The following MAX variants were observed in gnomAD, a reference collection of about 807,000 sequenced individuals.
MAX encodes MYC associated transcriptional regulator X.
A neutral mutation model predicts 22.3 loss-of-function variants in MAX; 3 were observed. The observed-to-expected ratio is 0.13, with a 90% CI of 0.06 to 0.35. MAX has a LOEUF of 0.35. Among genes scored for constraint, MAX ranks in the 10% least tolerant of loss-of-function variants. The pLI is 1.00. For missense variants in MAX, 119 were observed against 209.4 expected, an observed-to-expected ratio of 0.57 and a Z score of 2.66; for synonymous variants, 72 against 77.7, an observed-to-expected ratio of 0.93 and a Z score of 0.39.
At chr14:65,068,377 G>A (rs867012502) in intron 3 of MAX, among the ~76,000 whole-genome samples, 47 of 152,328 alleles carry the variant, frequency 3.1e-4, no homozygotes, top group South Asian at 2.3e-3. Context: ...AGAGGTTGCA[G>A]TGAGCTGAGA....
rs2063215186 is a variant in MAX at position 65,082,190 on chromosome 14, C to T, written c.172-4154G>A. Reference sequence around the variant, plus strand: ...AATCCAAGCCTCCAGGACACTCATACTTTGGGAACACAGGGGAAGCTATGG... The same window carrying T: ...AATCCAAGCCTCCAGGACACTCATATTTTGGGAACACAGGGGAAGCTATGG... On this transcript the variant is annotated intron_variant, in intron 3 of 4. Coordinates refer to ENST00000358664, the MANE Select transcript of MAX (RefSeq NM_002382.5). This position sits in a 1 kb window ranked among gnomAD's most constrained non-coding sequence, Gnocchi z 4.8. 1 of 152,062 alleles carries T rather than the reference C, an allele frequency of 6.6e-6. No individual in the cohort carries two copies. 9.4% of individuals were successfully genotyped at this position (152,062 alleles called of 1,614,324 possible). A position where few individuals can be genotyped will look rare whatever the true frequency, so the allele number is the denominator to read the frequency against.
At chr14:65,083,410 A>T (rs1489361070) in intron 3 of MAX, among the ~76,000 whole-genome samples, 1 of 152,218 alleles carries the variant, frequency 6.6e-6, no homozygotes, top group Non-Finnish European at 1.5e-5. Context: ...GGTTCTCAAA[A>T]ATTTTCAATG....
intron 2 of MAX, among the ~76,000 whole-genome samples, chr14:65,095,931 G>A (rs1194696704): frequency 6.6e-6 from 1 of 152,198 alleles, no homozygotes; most frequent in Non-Finnish European, 1.5e-5. Flanking sequence ...GTGGAGCTAA[G>A]TATAATCTAA....
Position 65,076,370 on chromosome 14 carries a change from A to G in MAX, c.*106T>C, listed in dbSNP as rs2063054477. On this transcript the variant is annotated 3_prime_UTR_variant, in exon 5 of 5. Transcript: ENST00000358664. The surrounding 1 kb of genome is among the most constrained non-coding windows in gnomAD (Gnocchi z 6.6). ...TTTAAAAAAAAAAGGGAGAAAGAGA[A>G]AAATAAAGAGTCTCTTAAATGGTTC... The G allele has an allele frequency of 2.6e-6, 4 of 1,566,274 alleles. No individual in the cohort carries two copies.
chr14:65,028,755 T>C lies in MAX; in HGVS notation c.172-22471A>G, dbSNP rs1393957959. On this transcript the variant is annotated intron_variant, in intron 3 of 3. Coordinates refer to the MAX transcript ENST00000341653. The surrounding 1 kb of genome is among the most constrained non-coding windows in gnomAD (Gnocchi z 4.4). ...GATCTGTGTATACCAGTGAAACCAG[T>C]AGAACGACTGAGGTAAATCAGTATG... Among the ~76,000 whole-genome samples the C allele has an allele frequency of 1.3e-5, 2 of 152,236 alleles. No individual in the cohort carries two copies. The highest frequency in any genetic ancestry group is 2.9e-5 in the Non-Finnish European group (2 of 68,042).
chr14:65,071,069 A>G (rs2062983415), downstream of MAX, among the ~76,000 whole-genome samples: 1 of 152,082 alleles, frequency 6.6e-6, no homozygotes, highest in Admixed American at 6.5e-5. The surrounding 1 kb of genome is among the most constrained non-coding windows in gnomAD (Gnocchi z 4.2). Context: ...TTCAACATAC[A>G]TTTACCTCCC....
intron 3 of MAX, among the ~76,000 whole-genome samples, chr14:65,036,626 C>A (rs2139604707): frequency 6.6e-6 from 1 of 152,270 alleles, no homozygotes; most frequent in East Asian, 1.9e-4. Context: ...ATTCTTAATT[C>A]TCTGTATGTT....
chr14:65,034,819 T>C (rs1160886116), intron 3 of MAX, among the ~76,000 whole-genome samples: 1 of 152,234 alleles, frequency 6.6e-6, no homozygotes, highest in Non-Finnish European at 1.5e-5. Flanking sequence ...TCCATGAGTC[T>C]TCCTGTGCTG....
At chr14:65,074,372 G>A (rs1345022478), downstream of MAX, among the ~76,000 whole-genome samples, 1 of 152,092 alleles carries the variant, frequency 6.6e-6, no homozygotes, top group Non-Finnish European at 1.5e-5. Flanking sequence ...GCTTGATCAT[G>A]TTTCAAATTG....
intron 3 of MAX, among the ~76,000 whole-genome samples, chr14:65,086,388 G>C (rs2063334860): frequency 1.3e-5 from 2 of 152,162 alleles, no homozygotes; most frequent in African/African-American, 4.8e-5. Context: ...GAAAAATGTG[G>C]GAAAGTTTCA....
chr14:65,058,681 A>C (rs1041675227), intron 3 of MAX, among the ~76,000 whole-genome samples: 2 of 152,182 alleles, frequency 1.3e-5, no homozygotes, highest in Non-Finnish European at 2.9e-5. Context: ...GTCATAAGGT[A>C]GTGTTAAATT....
At chr14:65,072,178 C>A (rs1414434703), downstream of MAX, among the ~76,000 whole-genome samples, 1 of 152,192 alleles carries the variant, frequency 6.6e-6, no homozygotes, top group African/African-American at 2.4e-5. Flanking sequence ...CTGAGAGAGA[C>A]CCTTGCTCTG....
At chr14:65,046,302 T>C (rs777257700) in intron 3 of MAX, among the ~76,000 whole-genome samples, 2 of 152,166 alleles carry the variant, frequency 1.3e-5, no homozygotes, top group African/African-American at 2.4e-5. Context: ...GAAAAAAACT[T>C]GGGGTCATGG....
At chr14:65,068,358 C>T (rs1435524902) in intron 3 of MAX, among the ~76,000 whole-genome samples, 4 of 152,168 alleles carry the variant, frequency 2.6e-5, no homozygotes, top group African/African-American at 9.7e-5. Context: ...TCGCTTGAAC[C>T]TGGGAGGCAG....
chr14:65,058,381 T>C (rs758235001), intron 3 of MAX, among the ~76,000 whole-genome samples: 8 of 152,170 alleles, frequency 5.3e-5, no homozygotes, highest in Non-Finnish European at 8.8e-5. Flanking sequence ...TAATAATATT[T>C]ATAAATCTTG....
In MAX at chr14:65,084,973, AG is replaced by A. The variant is rs3837621; in HGVS notation, c.172-6938del. On this transcript the variant is annotated intron_variant, in intron 3 of 4. Coordinates refer to ENST00000358664, the MANE Select transcript of MAX (RefSeq NM_002382.5). This position sits in a 1 kb window ranked among gnomAD's most constrained non-coding sequence, Gnocchi z 4.3. The stretch of plus-strand genomic sequence containing the variant: ...TAATTTTAGTCACATTAAATGGGGC[AG>A]GGGGGGTACGGAGAGTCTATTTTTG... Among the ~76,000 whole-genome samples the A allele has an allele frequency of 0.48, 73,419 of 151,880 alleles. 20,383 individuals carry two copies. The highest frequency in any genetic ancestry group is 0.77 in the African/African-American group (32,086 of 41,404).
At chr14:65,024,442 G>T (rs1252262897) in intron 3 of MAX, among the ~76,000 whole-genome samples, 2 of 152,142 alleles carry the variant, frequency 1.3e-5, no homozygotes, top group East Asian at 3.8e-4. Flanking sequence ...AAAGGCCCAG[G>T]ATCTTTTCCA....
intron 3 of MAX, among the ~76,000 whole-genome samples, chr14:65,006,843 T>A (rs1386217179): frequency 6.6e-6 from 1 of 151,964 alleles, no homozygotes; most frequent in Non-Finnish European, 1.5e-5. Flanking sequence ...AAATGGGAGG[T>A]TATAGTCTGG....
chr14:65,033,918 G>A (rs1265447686), intron 3 of MAX, among the ~76,000 whole-genome samples: 2 of 152,180 alleles, frequency 1.3e-5, no homozygotes, highest in Non-Finnish European at 2.9e-5. Flanking sequence ...TAGCCAAGCT[G>A]AGATACTGTT....
Sources: allele counts gnomAD v4.1 joint callset (sites outside exome capture counted in the v4.1 genomes callset), GRCh38; gene constraint gnomAD v4.1.1; non-coding constraint Gnocchi (gnomAD v3.1); transcripts MANE v1.5; gene names NCBI Gene and HGNC (gene_info 2026-07-23, HGNC 2026-07-21).